CPAMD8: variants seen among roughly 807,000 people sequenced by gnomAD.
The protein encoded by CPAMD8 is C3 and PZP like alpha-2-macroglobulin domain containing 8.
Under a neutral mutation model 224.7 loss-of-function variants are expected in CPAMD8, and 146 were observed. That is an observed-to-expected ratio of 0.65 (90% confidence interval 0.57 to 0.75). CPAMD8 has a LOEUF of 0.75. CPAMD8 is among the 30% of genes least tolerant of loss of function. The pLI, the probability that CPAMD8 is intolerant of heterozygous loss-of-function variation, is 0.00. For synonymous variants in CPAMD8, 966 were observed against 1,044.6 expected (o/e 0.92, Z 1.45); for missense variants, 2,301 against 2,537.5 (o/e 0.91, Z 2.00).
intron 29 of CPAMD8, among the ~76,000 whole-genome samples, chr19:16,911,425 G>A (rs548472021): frequency 4.8e-4 from 71 of 149,452 alleles, no homozygotes; most frequent in Non-Finnish European, 9.1e-4. Flanking sequence ...GCAGTGGCAC[G>A]AGCTTGGCTC....
chr19:16,955,745 C>T (rs536060029), intron 19 of CPAMD8, among the ~76,000 whole-genome samples: 5 of 152,214 alleles, frequency 3.3e-5, no homozygotes, highest in East Asian at 1.9e-4. Flanking sequence ...GGTGTAATTT[C>T]GTGTCACTGC....
chr19:16,902,922 G>A (rs1005984132), intron 34 of CPAMD8, 59 bp from the exon 35 acceptor site: 58 of 1,105,058 alleles, frequency 5.2e-5, no homozygotes, highest in Non-Finnish European at 6.4e-5. Flanking sequence ...CAGGTGCAGG[G>A]TAGGGGAGGA....
chr19:16,894,035 G>C (rs928840405), intron 41 of CPAMD8: 4 of 169,608 alleles, frequency 2.4e-5, no homozygotes, highest in Non-Finnish European at 5.2e-5. Flanking sequence ...TTGGCCACAC[G>C]AGTGCTTTCT....
chr19:16,991,589 T>C (rs2055951180), intron 12 of CPAMD8, among the ~76,000 whole-genome samples: 1 of 152,072 alleles, frequency 6.6e-6, no homozygotes, highest in South Asian at 2.1e-4. Flanking sequence ...GTACGGTGGC[T>C]CACACCTGTA....
chr19:16,970,904 T>A lies in CPAMD8; in HGVS notation c.2200A>T (p.Arg734Trp). The change falls in exon 18 of 42, where the codon AGG (arginine) becomes TGG (tryptophan). Residue 734 changes from arginine to tryptophan, a missense_variant. By Grantham distance (101) the Arg-to-Trp change is moderately radical. This residue lies in a region of CPAMD8 where 1,709 missense variants were observed against 1,753.2 expected (regional missense o/e 0.97). Transcript: ENST00000443236. ...ATAAGCCGTTACCTGGGGGGGTGCC[T>A]GGAAGGAGCCACTGCCACCAGGCTC... Reference protein sequence around the residue: ...TGSLVAVAPSRHPPRTEKRKR... With the variant: ...TGSLVAVAPSWHPPRTEKRKR... 1 of 1,613,602 alleles carries A rather than the reference T, an allele frequency of 6.2e-7. No individual in the cohort carries two copies. The highest frequency in any genetic ancestry group is 1.7e-5 in the Admixed American group (1 of 59,838).
chr19:16,943,951 G>A (rs570887654), intron 22 of CPAMD8, among the ~76,000 whole-genome samples: 4 of 152,236 alleles, frequency 2.6e-5, no homozygotes, highest in African/African-American at 9.6e-5. Flanking sequence ...TGAAATTCAC[G>A]TGGAGATGAT....
chr19:16,957,414 C>T (rs116726174), intron 19 of CPAMD8: 275 of 157,344 alleles, frequency 1.7e-3, no homozygotes, highest in African/African-American at 6.4e-3. Flanking sequence ...GTTGCCTACA[C>T]TCCTGCTTCA....
chr19:16,914,493 C>G lies in CPAMD8; in HGVS notation c.3792G>C (p.Gly1264=). ...CTGTCAGCGGGACAGTGCCGTGGAT[C>G]CCACCCTGCAAGGGGACTCACAGGC... ...GRVLNKDIQG[G]IHGTVPLTAY... is the part of the protein sequence containing the mutation. Residue 1264 remains glycine, a synonymous_variant, in exon 29 of 42, where the codon GGG becomes GGC. Transcript: ENST00000443236. The G allele has an allele frequency of 1.9e-6, 3 of 1,614,084 alleles. No homozygotes were observed. Among genetic ancestry groups the G allele is most frequent in the South Asian group, 2.2e-5 (2 of 91,086 alleles).
At chr19:16,965,984 A>G (rs1051602174) in intron 18 of CPAMD8, among the ~76,000 whole-genome samples, 2 of 152,232 alleles carry the variant, frequency 1.3e-5, no homozygotes, top group East Asian at 3.8e-4. Context: ...CAGAATTGGA[A>G]AAAACTACTT....
chr19:16,975,065 G>A (rs1033732962), intron 17 of CPAMD8, 32 bp downstream of exon 17: 22 of 1,603,412 alleles, frequency 1.4e-5, no homozygotes, highest in Non-Finnish European at 1.7e-5. Context: ...ACTTAGAAGG[G>A]GGCAGAGGGA....
chr19:16,998,485 T>C (rs905040814), intron 10 of CPAMD8, among the ~76,000 whole-genome samples: 2 of 151,848 alleles, frequency 1.3e-5, no homozygotes, highest in Non-Finnish European at 2.9e-5. Context: ...TAAATTAAAT[T>C]AAATTAAAGA....
At chr19:16,968,416 G>A (rs184798106) in intron 18 of CPAMD8, among the ~76,000 whole-genome samples, 1 of 152,264 alleles carries the variant, frequency 6.6e-6, no homozygotes, top group East Asian at 1.9e-4. Flanking sequence ...GGGCTTGAAA[G>A]ATGGAGAACA....
chr19:16,970,355 G>A (rs376514657), intron 18 of CPAMD8, among the ~76,000 whole-genome samples: 15 of 151,840 alleles, frequency 9.9e-5, no homozygotes, highest in Admixed American at 6.6e-4. Context: ...GAGAGGCTGC[G>A]GCAGGCAAAT....
intron 30 of CPAMD8, among the ~76,000 whole-genome samples, chr19:16,906,407 T>TTCTTTCCTTCC (rs2052515486): frequency 2.9e-5 from 2 of 69,866 alleles, no homozygotes; most frequent in African/African-American, 1.3e-4. Context: ...TCTTTCTTTC[T>TTCTTTCCTTCC]TTCCTTCCTT....
At position 16,957,931 on chromosome 19, in the gene CPAMD8, A is replaced by C; in HGVS notation, c.2214-16T>G. The stretch of plus-strand genomic sequence containing the variant: ...CTTCTCTGTTCTATGAAAAGAAAAA[A>C]AGAAACGATTAAGGTTTCATGAACA... On this transcript the variant is annotated splice_polypyrimidine_tract_variant and intron_variant, in intron 18 of 41. Transcript: ENST00000443236. The C allele has an allele frequency of 3.1e-6, 5 of 1,609,450 alleles. No individual in the cohort carries two copies. The highest frequency in any genetic ancestry group is 4.2e-6 in the Non-Finnish European group (5 of 1,177,320).
intron 22 of CPAMD8, among the ~76,000 whole-genome samples, chr19:16,941,517 G>A (rs768638396): frequency 2.0e-5 from 3 of 152,212 alleles, no homozygotes; most frequent in African/African-American, 7.2e-5. Context: ...TGTTGGTGGT[G>A]AGTGATATGG....
chr19:16,948,507 G>GA (rs2054179111), intron 20 of CPAMD8, among the ~76,000 whole-genome samples: 1 of 152,026 alleles, frequency 6.6e-6, no homozygotes, highest in Non-Finnish European at 1.5e-5. Flanking sequence ...AGCACTTTGG[G>GA]AGGCTGAGGC....
Position 16,980,551 on chromosome 19 carries a change from G to A in CPAMD8, c.1531C>T (p.Arg511Trp), listed in dbSNP as rs752244856. Residue 511 changes from arginine to tryptophan, a missense_variant, in exon 14 of 42, where the codon CGG becomes TGG. By Grantham distance (101) the Arg-to-Trp change is moderately radical. Around this residue, in one of 4 missense-constraint regions of CPAMD8, gnomAD observed 301 missense variants for 406.6 expected, o/e 0.74. Transcript: ENST00000443236. ...GGTTTCTCCAGGGCAGGGGCCGCCC[G>A]CTTGCTTCGCTGCTGGGTGGTGTGG... ...PAHTTQQRSKRAAPALEKPIR... is the reference protein window; with the variant it reads ...PAHTTQQRSKWAAPALEKPIR... 1.4e-5 allele frequency: 23 copies of A among 1,613,850 alleles called. No individual in the cohort carries two copies. The highest frequency in any genetic ancestry group is 2.7e-5 in the African/African-American group (2 of 74,908).
intron 23 of CPAMD8, among the ~76,000 whole-genome samples, chr19:16,932,828 C>T (rs939120082): frequency 3.9e-5 from 6 of 152,138 alleles, no homozygotes; most frequent in African/African-American, 1.2e-4. Context: ...TTTAGGCATC[C>T]AGATACAGGA....
Sources: gnomAD v4.1 joint callset for allele counts (sites outside exome capture counted in the v4.1 genomes callset) on GRCh38, gnomAD v4.1.1 for gene constraint, gnomAD v4.1.1 regional missense constraint, MANE v1.5 for transcripts, NCBI Gene and HGNC (gene_info 2026-07-23, HGNC 2026-07-21) for gene names.